Variants in FAM13A observed in about 807,000 individuals in gnomAD.
FAM13A encodes protein FAM13A.
In FAM13A, 76 loss-of-function variants were observed where a neutral mutation model predicts 129.6. The observed-to-expected ratio is 0.59, with a 90% CI of 0.49 to 0.71. FAM13A has a LOEUF of 0.71. Ranked by LOEUF, FAM13A falls within the 30% of genes least tolerant of loss-of-function variation. FAM13A has a pLI of 0.00. For synonymous variants in FAM13A, 443 were observed against 449.9 expected, an observed-to-expected ratio of 0.98 and a Z score of 0.20; for missense variants, 1,108 against 1,249.3, an observed-to-expected ratio of 0.89 and a Z score of 1.70.
chr4:89,005,341 G>A (rs1278998458), intron 3 of FAM13A, among the ~76,000 whole-genome samples: 1 of 152,130 alleles, frequency 6.6e-6, no homozygotes, highest in East Asian at 1.9e-4. Context: ...TTGATTCCAT[G>A]TCTTTGCTAT....
intron 14 of FAM13A, among the ~76,000 whole-genome samples, chr4:88,753,291 C>A (rs935093558): frequency 6.6e-6 from 1 of 152,278 alleles, no homozygotes; most frequent in South Asian, 2.1e-4. Context: ...TTATTTGATG[C>A]TTTGTGGCTA....
chr4:88,864,412 T>C (rs1464741955), intron 6 of FAM13A, among the ~76,000 whole-genome samples: 1 of 152,188 alleles, frequency 6.6e-6, no homozygotes, highest in East Asian at 1.9e-4. Flanking sequence ...GTGATCTTAT[T>C]TATTTATTTA....
chr4:88,914,812 G>T (rs886096505), intron 5 of FAM13A, among the ~76,000 whole-genome samples: 1 of 152,128 alleles, frequency 6.6e-6, no homozygotes, highest in Non-Finnish European at 1.5e-5. Flanking sequence ...TTGAATGAAC[G>T]AATAAAACTG....
chr4:88,799,572 C>G (rs1240390251), intron 8 of FAM13A, among the ~76,000 whole-genome samples: 1 of 152,126 alleles, frequency 6.6e-6, no homozygotes, highest in Non-Finnish European at 1.5e-5. Context: ...GCAACCTCCA[C>G]CTTCCGGGTT....
intron 7 of FAM13A, among the ~76,000 whole-genome samples, chr4:88,836,301 T>C (rs1011622090): frequency 6.6e-6 from 1 of 152,250 alleles, no homozygotes; most frequent in Admixed American, 6.5e-5. Context: ...ATTTTTCATT[T>C]AGTAGTCAGT....
intron 1 of FAM13A, among the ~76,000 whole-genome samples, chr4:89,044,869 G>T (rs992354390): frequency 2.0e-5 from 3 of 151,766 alleles, no homozygotes; most frequent in Non-Finnish European, 2.9e-5. Flanking sequence ...ACCTAGGCTA[G>T]GCAAATGTAT....
chr4:88,874,396 G>A (rs925315673), intron 6 of FAM13A, among the ~76,000 whole-genome samples: 23 of 152,190 alleles, frequency 1.5e-4, no homozygotes, highest in South Asian at 2.1e-4. Context: ...AAACCCCATC[G>A]TCTCAGCCCA....
intron 7 of FAM13A, among the ~76,000 whole-genome samples, chr4:88,823,550 C>A (rs1375670124): frequency 6.6e-6 from 1 of 152,224 alleles, no homozygotes; most frequent in African/African-American, 2.4e-5. Flanking sequence ...ATTACAGAGA[C>A]TGCCAGCAAG....
At chr4:88,801,429 T>C (rs1359263986) in intron 8 of FAM13A, among the ~76,000 whole-genome samples, 3 of 152,218 alleles carry the variant, frequency 2.0e-5, no homozygotes, top group South Asian at 2.1e-4. Flanking sequence ...AATCCAAACA[T>C]GCTAAATTAA....
intron 4 of FAM13A, among the ~76,000 whole-genome samples, chr4:88,984,755 T>G (rs913755002): frequency 5.3e-5 from 8 of 152,328 alleles, no homozygotes; most frequent in African/African-American, 1.9e-4. Context: ...TTATTTTTCT[T>G]TGAATATTTA....
At chr4:88,800,663 C>T (rs1373241028) in intron 8 of FAM13A, among the ~76,000 whole-genome samples, 26 of 133,234 alleles carry the variant, frequency 2.0e-4, no homozygotes, top group Non-Finnish European at 9.3e-5. Flanking sequence ...CCAGCCCGGG[C>T]GACAGAGTGA....
chr4:88,787,915 A>G lies in FAM13A; in HGVS notation c.1109T>C (p.Ile370Thr), dbSNP rs369246551. 7 of 1,612,874 alleles carry G rather than the reference A, an allele frequency of 4.3e-6. No homozygotes were observed. The highest frequency in any genetic ancestry group is 4.0e-5 in the African/African-American group (3 of 74,804). Reference protein sequence around the residue: ...SATGELLERTIRSAVEQHLFD... With the variant: ...SATGELLERTTRSAVEQHLFD... ...AAGATGTTGTTCTACAGCTGATCGG[A>G]TGGTTCTTTCTAAGAGTCTGGCAAA... is the stretch of plus-strand genomic sequence containing the variant. Residue 370 changes from isoleucine to threonine, a missense_variant, in exon 10 of 24, where the codon ATC becomes ACC. Physicochemically the swap from Ile to Thr is moderately conservative, Grantham distance 89 (BLOSUM62 -1). This residue lies in a region of FAM13A where 566 missense variants were observed against 595.7 expected (regional missense o/e 0.95). Transcript: ENST00000264344.
rs755118899 is a variant in FAM13A at position 88,750,608 on chromosome 4, G to C, written c.1756C>G (p.Arg586Gly). The C allele has an allele frequency of 6.2e-7, 1 of 1,613,804 alleles. No individual in the cohort carries two copies. The highest frequency in any genetic ancestry group is 1.3e-5 in the African/African-American group (1 of 74,888). The change falls in exon 15 of 24, where the codon CGG becomes GGG. Residue 586 changes from arginine (R) to glycine (G), a missense_variant. Arg to Gly is a moderately radical substitution (Grantham distance 125). This residue lies in a region of FAM13A where 529 missense variants were observed against 621.2 expected (regional missense o/e 0.85). Transcript: ENST00000264344. ...EPIPAFSSWQ[R>G]ENSDSDEAHL... Reference sequence around the variant, plus strand: ...GCTTCATCAGAGTCACTGTTCTCCCGCTGCCAGGAGGAGAAAGCAGGGATA... The same window carrying C: ...GCTTCATCAGAGTCACTGTTCTCCCCCTGCCAGGAGGAGAAAGCAGGGATA...
At chr4:88,783,821 G>A (rs1250520800) in intron 10 of FAM13A, among the ~76,000 whole-genome samples, 1 of 152,014 alleles carries the variant, frequency 6.6e-6, no homozygotes, top group Admixed American at 6.6e-5. Flanking sequence ...ACAGGGGAAG[G>A]GGCATGTGCA....
chr4:88,870,045 A>C (rs1187005550), intron 6 of FAM13A, among the ~76,000 whole-genome samples: 2 of 151,702 alleles, frequency 1.3e-5, no homozygotes, highest in African/African-American at 4.9e-5. Context: ...ACTTGTTACT[A>C]CTCTGAGCCT....
chr4:88,968,457 CTA>C (rs548403463), intron 4 of FAM13A, among the ~76,000 whole-genome samples: 143 of 152,252 alleles, frequency 9.4e-4, no homozygotes, highest in African/African-American at 3.2e-3. Context: ...TCTTTCTTCG[CTA>C]TGACCGAGAA....
At chr4:88,770,850 T>G (rs1720538050) in intron 11 of FAM13A, among the ~76,000 whole-genome samples, 1 of 152,178 alleles carries the variant, frequency 6.6e-6, no homozygotes, top group Non-Finnish European at 1.5e-5. Flanking sequence ...CTTCTTCAAC[T>G]CCATCCCTAC....
At chr4:88,736,421 T>C (rs1738999971) in intron 21 of FAM13A, 1 of 152,122 alleles carries the variant, frequency 6.6e-6, no homozygotes, top group South Asian at 2.1e-4. Flanking sequence ...GAGGGCCCCA[T>C]ATACTGAAAT....
At chr4:89,021,831 G>T (rs1767295293) in intron 2 of FAM13A, among the ~76,000 whole-genome samples, 1 of 151,728 alleles carries the variant, frequency 6.6e-6, no homozygotes, top group Non-Finnish European at 1.5e-5. Context: ...GAGGGAAAGG[G>T]TTGAAAGGTA....
Sources: allele counts gnomAD v4.1 joint callset (sites outside exome capture counted in the v4.1 genomes callset), GRCh38; gene constraint gnomAD v4.1.1; regional missense constraint gnomAD v4.1.1; transcripts MANE v1.5; gene names NCBI Gene and HGNC (gene_info 2026-07-23, HGNC 2026-07-21).